The following UST variants were observed in gnomAD, a reference collection of about 807,000 sequenced individuals.
UST encodes the protein uronyl 2-sulfotransferase.
Under a neutral mutation model 45.6 loss-of-function variants are expected in UST, and 21 were observed. The ratio of observed to expected loss-of-function variants is 0.46; its 90% CI spans 0.33 to 0.66. The LOEUF is 0.66. Ranked by LOEUF, UST falls within the 30% of genes least tolerant of loss-of-function variation. The pLI is 0.02. For missense variants in UST, 463 were observed against 512.4 expected, an observed-to-expected ratio of 0.90 and a Z score of 0.93; for synonymous variants, 215 against 200.6, an observed-to-expected ratio of 1.07 and a Z score of -0.61.
chr6:148,849,609 A>G (rs888990037), intron 1 of UST, among the ~76,000 whole-genome samples: 3 of 152,196 alleles, frequency 2.0e-5, no homozygotes, highest in African/African-American at 7.2e-5. Context: ...GCCTCAGAAA[A>G]CTACAATCAT....
intron 1 of UST, among the ~76,000 whole-genome samples, chr6:148,866,075 GAATT>G (rs961539430): frequency 1.4e-5 from 2 of 148,098 alleles, no homozygotes; most frequent in African/African-American, 2.5e-5. Context: ...GGGAAAGAAA[GAATT>G]AATTAGACTT....
chr6:148,966,337 T>C (rs1430831096), intron 5 of UST, among the ~76,000 whole-genome samples: 1 of 152,186 alleles, frequency 6.6e-6, no homozygotes, highest in Non-Finnish European at 1.5e-5. Context: ...ACTACAAGAA[T>C]AATGTCTTCT....
chr6:148,905,965 C>T (rs1779349499), intron 2 of UST, among the ~76,000 whole-genome samples: 2 of 152,206 alleles, frequency 1.3e-5, no homozygotes, highest in African/African-American at 4.8e-5. Context: ...TGTAATTCCT[C>T]AAGGGCATGG....
intron 1 of UST, among the ~76,000 whole-genome samples, chr6:148,816,731 G>A (rs1030153941): frequency 3.9e-5 from 6 of 152,106 alleles, no homozygotes; most frequent in South Asian, 2.1e-4. Context: ...CTATGATATC[G>A]GAGAAACAGA....
intron 5 of UST, among the ~76,000 whole-genome samples, chr6:148,975,117 C>T (rs1218614808): frequency 6.6e-6 from 1 of 152,200 alleles, no homozygotes; most frequent in African/African-American, 2.4e-5. Context: ...GAGATTAAGA[C>T]AAGGGTCCTA....
intron 5 of UST, among the ~76,000 whole-genome samples, chr6:148,978,506 G>C (rs945317670): frequency 6.6e-6 from 1 of 152,142 alleles, no homozygotes; most frequent in African/African-American, 2.4e-5. Flanking sequence ...AAAAGAATGA[G>C]TTCATGTCCT....
chr6:149,024,164 C>T lies in UST; in HGVS notation c.937+2683C>T, dbSNP rs188360211. Among the ~76,000 whole-genome samples, 8 of 152,302 alleles carry T rather than the reference C, an allele frequency of 5.3e-5. No individual in the cohort carries two copies. In the South Asian group the frequency reaches 1.7e-3, roughly 32 times the overall value. ...ACACTTCTATACGGCCTTCAGGGTG[C>T]ACCTGCCAGCCTGGCTGCCCGTCCT... On this transcript the variant is annotated intron_variant, in intron 7 of 7. Coordinates refer to ENST00000367463, the MANE Select transcript of UST (RefSeq NM_005715.3).
rs1272761897 is a variant in UST, at chr6:148,841,429, G to A, written c.248-45557G>A. Among the ~76,000 whole-genome samples, 2 of 152,122 alleles carry A rather than the reference G, an allele frequency of 1.3e-5. 1 individual carries two copies. The highest frequency in any genetic ancestry group is 2.9e-5 in the Non-Finnish European group (2 of 68,002). ...GGGAAGTGCTATTCCATGTAACTAA[G>A]GAGACAGAAAATCCCCTAAGTTGAT... On this transcript the variant is annotated intron_variant, in intron 1 of 7. Coordinates refer to ENST00000367463, the MANE Select transcript of UST (RefSeq NM_005715.3).
intron 5 of UST, among the ~76,000 whole-genome samples, chr6:148,981,487 A>G (rs1781132848): frequency 6.6e-6 from 1 of 152,202 alleles, no homozygotes; most frequent in Non-Finnish European, 1.5e-5. Flanking sequence ...GGCAGGTGCC[A>G]TCTTCACTGC....
intron 4 of UST, 75 bp from the exon 5 acceptor site, chr6:148,964,335 G>T: frequency 6.4e-7 from 1 of 1,556,892 alleles, no homozygotes. Context: ...CTAGAGGGAA[G>T]GGGAGATGTT....
At position 148,887,474 on chromosome 6, in the gene UST, G is replaced by A. The variant is rs150709303; in HGVS notation, c.291+445G>A. Among the ~76,000 whole-genome samples the A allele has an allele frequency of 4.0e-3, 616 of 152,326 alleles. 2 individuals carry two copies. The highest frequency in any genetic ancestry group is 6.3e-3 in the Admixed American group (97 of 15,304). On this transcript the variant is annotated intron_variant, in intron 2 of 7. Coordinates refer to ENST00000367463, the MANE Select transcript of UST (RefSeq NM_005715.3). ...GAGGCCCTGCCAATACCACCTCAAG[G>A]CTGCCCTGGCCTGGCCTGTGAGTCC...
At chr6:148,974,658 T>C (rs1780982651) in intron 5 of UST, among the ~76,000 whole-genome samples, 1 of 152,196 alleles carries the variant, frequency 6.6e-6, no homozygotes, top group Non-Finnish European at 1.5e-5. Flanking sequence ...ATATTCACAG[T>C]TGAATGAAAG....
In UST at chr6:148,878,661, AAGTGCGGGGGTCGTGTATG is replaced by A. The variant is rs1460541833; in HGVS notation, c.248-8308_248-8290del. Among the ~76,000 whole-genome samples the A allele has an allele frequency of 6.1e-4, 17 of 28,054 alleles. No individual in the cohort carries two copies. In the East Asian group the frequency reaches 7.4e-3, roughly 12 times the overall value. 18.4% of individuals were successfully genotyped at this position (28,054 alleles called of 152,430 possible). A position where few individuals can be genotyped will look rare whatever the true frequency, so the allele number is the denominator to read the frequency against. On this transcript the variant is annotated intron_variant, in intron 1 of 7. Coordinates refer to ENST00000367463, the MANE Select transcript of UST (RefSeq NM_005715.3). ...TGTATGAGTGCGGGGGGTCGTGTATAAGTGCGGGGGTCGTGTATGAGTGCGGGGGTCGTGTGTGAGTGCG... is the reference window on the plus strand; with the variant it reads ...TGTATGAGTGCGGGGGGTCGTGTATAAGTGCGGGGGTCGTGTGTGAGTGCG...
chr6:149,067,824 A>G (rs1398464549), intron 7 of UST, among the ~76,000 whole-genome samples: 3 of 152,182 alleles, frequency 2.0e-5, no homozygotes, highest in African/African-American at 7.2e-5. Flanking sequence ...TATCACCAGA[A>G]GTCTGTCGTT....
chr6:148,862,118 TTG>T (rs1241066885), intron 1 of UST, among the ~76,000 whole-genome samples: 1 of 152,194 alleles, frequency 6.6e-6, no homozygotes, highest in Non-Finnish European at 1.5e-5. Flanking sequence ...CCCATTATTA[TTG>T]TGTGGGAGTC....
chr6:148,895,012 T>C (rs972507799), intron 2 of UST, among the ~76,000 whole-genome samples: 3 of 152,074 alleles, frequency 2.0e-5, no homozygotes, highest in Non-Finnish European at 2.9e-5. Flanking sequence ...GAGACGGGGT[T>C]TCACCATGTT....
chr6:149,031,795 G>A (rs935878041), intron 7 of UST, among the ~76,000 whole-genome samples: 8 of 152,176 alleles, frequency 5.3e-5, no homozygotes, highest in Non-Finnish European at 1.2e-4. Context: ...CCTGGGGAAG[G>A]GCAGTATAAA....
chr6:148,874,397 A>T (rs968083096), intron 1 of UST, among the ~76,000 whole-genome samples: 3 of 152,244 alleles, frequency 2.0e-5, no homozygotes, highest in Non-Finnish European at 4.4e-5. Context: ...AGCCTGAAAT[A>T]GTAAGGGAAG....
intron 5 of UST, among the ~76,000 whole-genome samples, chr6:148,964,893 G>A (rs868269481): frequency 2.0e-5 from 3 of 152,208 alleles, no homozygotes; most frequent in South Asian, 4.1e-4. Context: ...AAGGTGTTGG[G>A]GGGGTGTCTG....
Sources: gnomAD v4.1 joint callset for allele counts (sites outside exome capture counted in the v4.1 genomes callset) on GRCh38, gnomAD v4.1.1 for gene constraint, MANE v1.5 for transcripts, NCBI Gene and HGNC (gene_info 2026-07-23, HGNC 2026-07-21) for gene names.